Variants in ZNF44 observed in about 807,000 individuals in gnomAD.
ZNF44 encodes zinc finger protein 44.
Under a neutral mutation model 11.7 loss-of-function variants are expected in ZNF44, and 9 were observed. The observed-to-expected ratio is 0.77, with a 90% confidence interval of 0.46 to 1.35. The LOEUF is 1.35. ZNF44 is among the 40% of genes most tolerant of loss of function. The probability of loss-of-function intolerance (pLI) is 0.00; values close to 1 mark genes in which losing one functional copy is unlikely to be tolerated. For missense variants in ZNF44, 696 were observed against 743.1 expected, an observed-to-expected ratio of 0.94 and a Z score of 0.74; for synonymous variants, 224 against 242.7, an observed-to-expected ratio of 0.92 and a Z score of 0.72.
chr19:12,258,724 G>C (rs1917373277), intron 5 of ZNF44, among the ~76,000 whole-genome samples: 1 of 152,044 alleles, frequency 6.6e-6, no homozygotes, highest in African/African-American at 2.4e-5. Flanking sequence ...CAACTACTCA[G>C]GAGGCTGAGG....
chr19:12,282,046 C>T (rs530045155), intron 1 of ZNF44, among the ~76,000 whole-genome samples: 1 of 152,160 alleles, frequency 6.6e-6, no homozygotes, highest in Non-Finnish European at 1.5e-5. Flanking sequence ...CAACATTGCC[C>T]TAACACCAAA....
chr19:12,248,218 C>T (rs1306906933), exon 8 of ZNF44: 1 of 1,305,770 alleles, frequency 7.7e-7, no homozygotes, highest in Non-Finnish European at 1.0e-6. Flanking sequence ...CCAGTATGAG[C>T]CTTTTCATGT....
intron 1 of ZNF44, among the ~76,000 whole-genome samples, chr19:12,283,482 C>A (rs763755266): frequency 6.6e-6 from 1 of 152,110 alleles, no homozygotes; most frequent in Non-Finnish European, 1.5e-5. Context: ...GCATCCACCA[C>A]CACGCCTGGC....
intron 1 of ZNF44, among the ~76,000 whole-genome samples, chr19:12,278,043 A>G (rs1020019244): frequency 1.3e-5 from 2 of 152,166 alleles, no homozygotes; most frequent in Non-Finnish European, 2.9e-5. Context: ...CAGGCCCCCA[A>G]ATCTAGCCAT....
In ZNF44 at chr19:12,273,583, T is replaced by C. The variant is rs752798023; in HGVS notation, c.672A>G (p.Pro224=). The change falls in exon 4 of 4, where the codon CCA becomes CCG. Residue 224 remains proline, a synonymous_variant. Coordinates refer to ENST00000355684, the MANE Select transcript of ZNF44 (RefSeq NM_016264.4). The part of the protein sequence containing the change: ...MHERTHTGEK[P]YECKQCSKAF... ...CTTTAGAACACTGCTTACATTCATA[T>C]GGTTTCTCTCCAGTGTGAGTTCTTT... 10 of 1,613,116 alleles carry C rather than the reference T, an allele frequency of 6.2e-6. No homozygotes were observed. Among genetic ancestry groups the C allele is most frequent in the Admixed American group, 1.7e-5 (1 of 59,932 alleles).
rs374766446 is a variant in ZNF44, at chr19:12,251,402, G to A, written c.1913-1034C>T. ...CCAGCTACTCAGGGGGCTGAGGCAC[G>A]AGAATAGCTTGAGCCTGGGAGGCAG... On this transcript the variant is annotated intron_variant and NMD_transcript_variant, in intron 5 of 7. Coordinates refer to the ZNF44 transcript ENST00000393337. Among the ~76,000 whole-genome samples the A allele has an allele frequency of 9.2e-5, 14 of 151,976 alleles. No homozygotes were observed. The East Asian group carries it at 2.3e-3, about 25-fold the overall frequency.
chr19:12,286,104 G>GT (rs1360847219), intron 1 of ZNF44, among the ~76,000 whole-genome samples: 7 of 152,270 alleles, frequency 4.6e-5, no homozygotes, highest in Non-Finnish European at 7.4e-5. Context: ...ATTTTAGCAT[G>GT]TGTCAAACAG....
At chr19:12,232,580 C>G (rs1055744780) in intron 2 of ZNF44, among the ~76,000 whole-genome samples, 2 of 152,182 alleles carry the variant, frequency 1.3e-5, no homozygotes, top group South Asian at 2.1e-4. Context: ...ATCTGTTTAA[C>G]AAAGCACATC....
intron 1 of ZNF44, among the ~76,000 whole-genome samples, chr19:12,291,541 T>A (rs563943418): frequency 1.6e-4 from 24 of 150,364 alleles, no homozygotes; most frequent in Non-Finnish European, 2.2e-4. Context: ...CTACCAAAAA[T>A]ACAAAAATTA....
chr19:12,277,728 G>C (rs1967293239), intron 1 of ZNF44, among the ~76,000 whole-genome samples: 1 of 152,202 alleles, frequency 6.6e-6, no homozygotes, highest in African/African-American at 2.4e-5. Context: ...AGAGTTCCCA[G>C]TGTAGAACTC....
chr19:12,275,801 T>G (rs914108710), intron 2 of ZNF44, among the ~76,000 whole-genome samples, 155 bp downstream of exon 2: 2 of 152,222 alleles, frequency 1.3e-5, no homozygotes, highest in African/African-American at 4.8e-5. Context: ...AAAGATTATA[T>G]GAGGACATAC....
upstream of ZNF44, among the ~76,000 whole-genome samples, chr19:12,240,463 A>G (rs890901360): frequency 6.8e-6 from 1 of 146,090 alleles, no homozygotes; most frequent in Non-Finnish European, 1.5e-5. Flanking sequence ...AAAAAAAAAA[A>G]CTAGAAAAAA....
chr19:12,248,258 T>C, exon 8 of ZNF44: 1 of 1,298,148 alleles, frequency 7.7e-7, no homozygotes, highest in Non-Finnish European at 1.0e-6. Context: ...ATCGGAATGC[T>C]TTTCCACATT....
rs201901633 is a variant in ZNF44, at chr19:12,273,078, G to A, written c.1177C>T (p.His393Tyr). The A allele has an allele frequency of 4.4e-4, 705 of 1,613,422 alleles. No homozygotes were observed. Among genetic ancestry groups the A allele is most frequent in the Non-Finnish European group, 5.5e-4 (651 of 1,179,784 alleles). The change falls in exon 4 of 4, where the codon CAT (histidine) becomes TAT (tyrosine). Residue 393 changes from histidine (H) to tyrosine (Y), a missense_variant. His to Tyr is a moderately conservative substitution (Grantham distance 83). Coordinates refer to ENST00000355684, the MANE Select transcript of ZNF44 (RefSeq NM_016264.4). ...GCTTTCCCACATACTGTGCATTTAT[G>A]AGGGCCATCTCCAGTGTGTGCCATC... Reference protein sequence around the residue: ...HMMAHTGDGPHKCTVCGKAFD... With the variant: ...HMMAHTGDGPYKCTVCGKAFD...
chr19:12,253,737 T>C (rs1212951192), intron 5 of ZNF44, among the ~76,000 whole-genome samples: 1 of 151,640 alleles, frequency 6.6e-6, no homozygotes, highest in East Asian at 2.0e-4. Context: ...CCCAGCACTT[T>C]GGGGATGCTG....
At chr19:12,276,638 A>C (rs1316196946) in intron 1 of ZNF44, among the ~76,000 whole-genome samples, 3 of 152,190 alleles carry the variant, frequency 2.0e-5, no homozygotes, top group Middle Eastern at 3.2e-3. Flanking sequence ...TCCTCAGCAG[A>C]GGAAGTGTAC....
intron 7 of ZNF44, among the ~76,000 whole-genome samples, chr19:12,249,497 C>T (rs1429177938): frequency 7.2e-6 from 1 of 139,414 alleles, no homozygotes; most frequent in Non-Finnish European, 1.5e-5. Context: ...CAGAGCAAGA[C>T]TCCGTCTCAG....
At chr19:12,259,923 G>A (rs961286960) in intron 5 of ZNF44, among the ~76,000 whole-genome samples, 26 of 152,132 alleles carry the variant, frequency 1.7e-4, no homozygotes, top group Admixed American at 1.6e-3. Context: ...ATCATCTAAT[G>A]GCTGCTGTTC....
intron 5 of ZNF44, chr19:12,260,056 C>T (rs1162602061): frequency 1.9e-6 from 1 of 517,244 alleles, no homozygotes; most frequent in Non-Finnish European, 3.7e-6. Context: ...TTGGGGCAAC[C>T]CAGGCATCAG....
Sources: gnomAD v4.1 joint callset for allele counts (sites outside exome capture counted in the v4.1 genomes callset) on GRCh38, gnomAD v4.1.1 for gene constraint, MANE v1.5 for transcripts, NCBI Gene and HGNC (gene_info 2026-07-23, HGNC 2026-07-21) for gene names.